The following PRKCE variants were observed in gnomAD, a reference collection of about 807,000 sequenced individuals.
PRKCE encodes protein kinase C epsilon type.
PRKCE carries 16 observed loss-of-function variants against 85.4 expected under a neutral mutation model. The observed-to-expected ratio is 0.19, with a 90% CI of 0.13 to 0.28. PRKCE has a LOEUF of 0.28. Among genes scored for constraint, PRKCE ranks in the 10% least tolerant of loss-of-function variants. PRKCE has a pLI of 1.00. For missense variants in PRKCE, 573 were observed against 975.2 expected (o/e 0.59, Z 5.49); for synonymous variants, 388 against 371.5 (o/e 1.04, Z -0.51).
intron 10 of PRKCE, among the ~76,000 whole-genome samples, chr2:46,063,132 C>T (rs1167822286): frequency 6.6e-6 from 1 of 152,156 alleles, no homozygotes; most frequent in African/African-American, 2.4e-5. Flanking sequence ...GTTGGAAAGG[C>T]AGAGCTGAGT....
rs537760494 is a variant in PRKCE, at chr2:45,925,908, C to T, written c.413-50521C>T. On this transcript the variant is annotated intron_variant, in intron 2 of 14. Transcript: ENST00000306156. ...AGATAAAATATTGGGGTAGTCATTCCTGGCCCAGGCCAGGGATAACCTGAG... is the reference window on the plus strand; with the variant it reads ...AGATAAAATATTGGGGTAGTCATTCTTGGCCCAGGCCAGGGATAACCTGAG... Among the ~76,000 whole-genome samples, 15 of 152,346 alleles carry T rather than the reference C, an allele frequency of 9.8e-5. No individual in the cohort carries two copies. The South Asian group carries it at 2.7e-3, about 27-fold the overall frequency.
rs1462416212 is a variant in PRKCE at position 46,173,282 on chromosome 2, C to A, written c.2068-11453C>A. 5.9e-5 allele frequency among the ~76,000 whole-genome samples: 9 copies of A among 152,252 alleles called. No individual in the cohort carries two copies. In the East Asian group the frequency reaches 1.5e-3, roughly 26 times the overall value. On this transcript the variant is annotated intron_variant, in intron 14 of 14. Transcript: ENST00000306156. ...CGTCATTCATTTACACAAGTTCATG[C>A]TGCTTTTGGGCTACAGTGGCAGAGC...
chr2:45,883,508 A>T (rs1355343198), intron 2 of PRKCE, among the ~76,000 whole-genome samples: 1 of 152,194 alleles, frequency 6.6e-6, no homozygotes, highest in African/African-American at 2.4e-5. Flanking sequence ...GGCAGGGCAG[A>T]GCTACCCTTC....
At chr2:45,936,189 C>T (rs1699438690) in intron 2 of PRKCE, among the ~76,000 whole-genome samples, 1 of 152,200 alleles carries the variant, frequency 6.6e-6, no homozygotes, top group Non-Finnish European at 1.5e-5. Context: ...TATTACCCTG[C>T]CCACCCCTGC....
intron 1 of PRKCE, among the ~76,000 whole-genome samples, chr2:45,835,597 GTTTT>G (rs34000335): frequency 1.4e-5 from 2 of 143,774 alleles, no homozygotes; most frequent in South Asian, 2.2e-4. Flanking sequence ...TAGTATATTT[GTTTT>G]TTTTTTTTTT....
At chr2:45,902,126 T>C (rs981677758) in intron 2 of PRKCE, among the ~76,000 whole-genome samples, 2 of 152,102 alleles carry the variant, frequency 1.3e-5, no homozygotes, top group Non-Finnish European at 2.9e-5. Context: ...CCCACTTGGG[T>C]TTGAATTGGA....
In PRKCE at chr2:46,004,322, T is replaced by C. The variant is rs535362843; in HGVS notation, c.967-220T>C. ...TTCTGTGAATGTAGGGAAGGTGCAC[T>C]GAAATTCCTTTTGTGGTTCTTGCTC... On this transcript the variant is annotated intron_variant, in intron 7 of 14. Coordinates refer to ENST00000306156, the MANE Select transcript of PRKCE (RefSeq NM_005400.3). The surrounding 1 kb of genome is among the most constrained non-coding windows in gnomAD (Gnocchi z 4.1). 2 of 487,630 alleles carry C rather than the reference T, an allele frequency of 4.1e-6. No homozygotes were observed. The highest frequency in any genetic ancestry group is 7.6e-6 in the Non-Finnish European group (2 of 263,640). 30.2% of individuals were successfully genotyped at this position (487,630 alleles called of 1,614,324 possible). A position where few individuals can be genotyped will look rare whatever the true frequency, so the allele number is the denominator to read the frequency against.
At chr2:46,054,426 T>A (rs1017715305) in intron 10 of PRKCE, among the ~76,000 whole-genome samples, 4 of 152,190 alleles carry the variant, frequency 2.6e-5, no homozygotes, top group African/African-American at 9.7e-5. Flanking sequence ...CCTCTACTAT[T>A]TTTTTTCTAC....
chr2:46,142,769 C>T (rs1675682606), intron 11 of PRKCE, among the ~76,000 whole-genome samples: 2 of 152,226 alleles, frequency 1.3e-5, no homozygotes. Context: ...TTCTTTGCCC[C>T]ACCTGAGGCA....
At chr2:45,735,527 T>C (rs1325351202) in intron 1 of PRKCE, among the ~76,000 whole-genome samples, 2 of 152,192 alleles carry the variant, frequency 1.3e-5, no homozygotes, top group Non-Finnish European at 2.9e-5. Flanking sequence ...GTGGTAATGG[T>C]AGCATTCACC....
chr2:45,891,675 G>T (rs184824674), intron 2 of PRKCE, among the ~76,000 whole-genome samples: 9 of 152,306 alleles, frequency 5.9e-5, no homozygotes, highest in African/African-American at 2.2e-4. Flanking sequence ...GGGATCTTCC[G>T]CACGTAGAGT....
chr2:45,770,788 G>A (rs1184221934), intron 1 of PRKCE: 1 of 152,082 alleles, frequency 6.6e-6, no homozygotes, highest in East Asian at 1.9e-4. Flanking sequence ...TAAAAATCCA[G>A]GCTGCTTCTT....
intron 1 of PRKCE, among the ~76,000 whole-genome samples, chr2:45,681,976 C>T (rs1481273953): frequency 2.0e-5 from 3 of 152,204 alleles, no homozygotes; most frequent in East Asian, 3.8e-4. Flanking sequence ...ACTCAGGGTT[C>T]TCCTCGCCAT....
chr2:45,891,438 C>G (rs1695714464), intron 2 of PRKCE, among the ~76,000 whole-genome samples: 1 of 152,214 alleles, frequency 6.6e-6, no homozygotes, highest in Non-Finnish European at 1.5e-5. Flanking sequence ...AAAGCTGCCA[C>G]CATTGCTCCC....
At chr2:46,080,913 G>A (rs952893098) in intron 10 of PRKCE, among the ~76,000 whole-genome samples, 14 of 151,884 alleles carry the variant, frequency 9.2e-5, no homozygotes, top group South Asian at 2.1e-4. Context: ...ACAGGCTCAC[G>A]GCAGCAGGCT....
intron 2 of PRKCE, among the ~76,000 whole-genome samples, chr2:45,857,084 G>A (rs1013228912): frequency 1.3e-5 from 2 of 152,162 alleles, no homozygotes; most frequent in Non-Finnish European, 2.9e-5. Context: ...GGGATTGCTG[G>A]ATCATATGGT....
At chr2:46,157,489 G>A in intron 13 of PRKCE, among the ~76,000 whole-genome samples, 1 of 152,190 alleles carries the variant, frequency 6.6e-6, no homozygotes, top group Non-Finnish European at 1.5e-5. Context: ...CTGCTAAACT[G>A]CCTGCAATGC....
intron 6 of PRKCE, among the ~76,000 whole-genome samples, chr2:45,989,117 T>C (rs950407221): frequency 4.6e-5 from 7 of 152,232 alleles, no homozygotes; most frequent in African/African-American, 1.7e-4. Flanking sequence ...AGCCTGCAGT[T>C]GGGCCTGCGG....
intron 10 of PRKCE, among the ~76,000 whole-genome samples, chr2:46,044,549 A>G (rs562994305): frequency 2.6e-5 from 4 of 152,270 alleles, no homozygotes; most frequent in African/African-American, 9.6e-5. Context: ...TCTCTTCACC[A>G]TCTTGCTCTT....
Sources: allele counts gnomAD v4.1 joint callset (sites outside exome capture counted in the v4.1 genomes callset), GRCh38; gene constraint gnomAD v4.1.1; non-coding constraint Gnocchi (gnomAD v3.1); transcripts MANE v1.5; gene names NCBI Gene and HGNC (gene_info 2026-07-23, HGNC 2026-07-21).